Variants in PPM1L observed in about 807,000 individuals in gnomAD.
PPM1L encodes the protein protein phosphatase, Mg2+/Mn2+ dependent 1L, also known as protein phosphatase 1L.
PPM1L carries 13 observed loss-of-function variants against 31.4 expected under a neutral mutation model. The ratio of observed to expected loss-of-function variants is 0.41; its 90% CI spans 0.27 to 0.66. PPM1L has a LOEUF of 0.66. PPM1L is among the 30% of genes least tolerant of loss of function. PPM1L has a pLI of 0.29. For synonymous variants in PPM1L, 184 were observed against 175.4 expected (o/e 1.05, Z -0.39); for missense variants, 326 against 453.7 (o/e 0.72, Z 2.56).
In PPM1L at chr3:160,974,321, G is replaced by T. The variant is rs988681944; in HGVS notation, c.574+12411G>T. 5.3e-5 allele frequency among the ~76,000 whole-genome samples: 8 copies of T among 151,902 alleles called. 1 individual carries two copies. In the Middle Eastern group the frequency reaches 0.014, roughly 258 times the overall value. ...AGTCTTTGCTATTGTGAATAATGCCGCAATAAACATACATGTGCATGTGTC... is the reference window on the plus strand; with the variant it reads ...AGTCTTTGCTATTGTGAATAATGCCTCAATAAACATACATGTGCATGTGTC... On this transcript the variant is annotated intron_variant, in intron 2 of 3. Coordinates refer to ENST00000498165, the MANE Select transcript of PPM1L (RefSeq NM_139245.4).
At chr3:160,876,753 A>G (rs970110837) in intron 1 of PPM1L, among the ~76,000 whole-genome samples, 1 of 152,216 alleles carries the variant, frequency 6.6e-6, no homozygotes, top group African/African-American at 2.4e-5. Context: ...CAATGCTACA[A>G]TGGCTGGAGC....
intron 2 of PPM1L, among the ~76,000 whole-genome samples, chr3:160,978,191 T>C (rs940936532): frequency 1.3e-5 from 2 of 152,198 alleles, no homozygotes; most frequent in Non-Finnish European, 2.9e-5. Context: ...ACCATTTAGC[T>C]ACCAGTACCA....
intron 1 of PPM1L, among the ~76,000 whole-genome samples, chr3:160,943,782 A>C (rs1715232512): frequency 6.6e-6 from 1 of 152,152 alleles, no homozygotes; most frequent in Admixed American, 6.6e-5. Flanking sequence ...GAATGTGGAC[A>C]TAGATTTGTG....
At chr3:160,792,791 A>G (rs990208151) in intron 1 of PPM1L, among the ~76,000 whole-genome samples, 1 of 152,202 alleles carries the variant, frequency 6.6e-6, no homozygotes, top group Admixed American at 6.5e-5. Context: ...TTATGATTAC[A>G]GTTTTATTAT....
intron 1 of PPM1L, among the ~76,000 whole-genome samples, chr3:160,797,330 G>A (rs770981289): frequency 1.3e-5 from 2 of 152,136 alleles, no homozygotes; most frequent in Non-Finnish European, 2.9e-5. Context: ...AGTAAATGCT[G>A]TGTGTGTTCT....
At chr3:160,830,319 A>G (rs1391507222) in intron 1 of PPM1L, among the ~76,000 whole-genome samples, 2 of 152,176 alleles carry the variant, frequency 1.3e-5, no homozygotes, top group African/African-American at 4.8e-5. Flanking sequence ...GCTTTTAACC[A>G]TAATCTAGTA....
At chr3:160,781,263 G>C (rs112887738) in intron 1 of PPM1L, among the ~76,000 whole-genome samples, 2,549 of 152,264 alleles carry the variant, frequency 0.017, 65 homozygotes, top group African/African-American at 0.058. Flanking sequence ...AGCTATGGCT[G>C]ACAGATATAG....
chr3:160,970,902 T>C (rs1027172677), intron 2 of PPM1L, among the ~76,000 whole-genome samples: 1 of 150,630 alleles, frequency 6.6e-6, no homozygotes, highest in African/African-American at 2.4e-5. Flanking sequence ...GCCATTCTCC[T>C]GCCTCAGCCT....
intron 1 of PPM1L, among the ~76,000 whole-genome samples, chr3:160,865,393 A>T (rs960882062): frequency 1.3e-5 from 2 of 152,202 alleles, no homozygotes; most frequent in Non-Finnish European, 2.9e-5. Context: ...ACTCTATAGG[A>T]TTGCTGAATA....
intron 1 of PPM1L, among the ~76,000 whole-genome samples, chr3:160,858,502 C>T (rs184262761): frequency 2.4e-3 from 364 of 152,272 alleles, no homozygotes; most frequent in African/African-American, 8.6e-3. Context: ...CCGCCTTGGC[C>T]TCCCAAAGCA....
chr3:160,878,317 A>C (rs1384555927), intron 1 of PPM1L, among the ~76,000 whole-genome samples: 1 of 152,216 alleles, frequency 6.6e-6, no homozygotes, highest in African/African-American at 2.4e-5. Context: ...CTAGAACAAA[A>C]AATCATAGAC....
At chr3:160,791,292 T>C (rs1269063589) in intron 1 of PPM1L, among the ~76,000 whole-genome samples, 1 of 152,164 alleles carries the variant, frequency 6.6e-6, no homozygotes, top group Admixed American at 6.5e-5. Context: ...CTTTTGCCAT[T>C]GAACTCCTTA....
rs568981055 is a variant in PPM1L at position 160,856,841 on chromosome 3, T to G, written c.399+100134T>G. On this transcript the variant is annotated intron_variant, in intron 1 of 3. Transcript: ENST00000498165. ...AAAAAAAGAAATTCAGATTTTCTTC[T>G]TTCTTTGATTCTGTCCCTCTCATTT... is the stretch of plus-strand genomic sequence containing the variant. Among the ~76,000 whole-genome samples the G allele has an allele frequency of 3.7e-4, 56 of 152,286 alleles. 1 individual carries two copies. Among genetic ancestry groups the G allele is most frequent in the African/African-American group, 1.3e-3 (53 of 41,556 alleles).
intron 2 of PPM1L, among the ~76,000 whole-genome samples, chr3:161,007,410 G>A (rs1388692871): frequency 6.6e-6 from 1 of 152,220 alleles, no homozygotes; most frequent in Non-Finnish European, 1.5e-5. Flanking sequence ...AAGGCCCAGA[G>A]GCAGGAACAG....
At chr3:160,849,008 G>T (rs1007835627) in intron 1 of PPM1L, among the ~76,000 whole-genome samples, 4 of 152,028 alleles carry the variant, frequency 2.6e-5, no homozygotes, top group Admixed American at 2.0e-4. Context: ...CAGTACTACC[G>T]CAGGGTGGAG....
chr3:160,915,207 A>G (rs918215662), intron 1 of PPM1L, among the ~76,000 whole-genome samples: 7 of 146,000 alleles, frequency 4.8e-5, no homozygotes, highest in African/African-American at 2.0e-4. Context: ...AATTTCAGCA[A>G]AGTCTCAGGA....
chr3:161,046,186 C>T (rs1401149215), intron 2 of PPM1L, among the ~76,000 whole-genome samples: 13 of 148,364 alleles, frequency 8.8e-5, no homozygotes, highest in African/African-American at 1.3e-4. Context: ...ATTGATAGAC[C>T]GCTAGCAAGA....
intron 1 of PPM1L, among the ~76,000 whole-genome samples, chr3:160,945,808 G>A (rs904026904): frequency 1.3e-5 from 2 of 152,076 alleles, no homozygotes; most frequent in Admixed American, 6.6e-5. Context: ...TGAAGATAAC[G>A]AGGATGAGAC....
At chr3:160,872,510 T>C (rs143839748) in intron 1 of PPM1L, among the ~76,000 whole-genome samples, 1 of 152,336 alleles carries the variant, frequency 6.6e-6, no homozygotes, top group East Asian at 1.9e-4. Context: ...CTCCATTATT[T>C]TGTGCTCACT....
Sources: gnomAD v4.1 joint callset for allele counts (sites outside exome capture counted in the v4.1 genomes callset) on GRCh38, gnomAD v4.1.1 for gene constraint, MANE v1.5 for transcripts, NCBI Gene and HGNC (gene_info 2026-07-23, HGNC 2026-07-21) for gene names.